Variants in SLC13A1 observed in about 807,000 individuals in gnomAD.
SLC13A1 encodes Na(+)/sulfate cotransporter.
In SLC13A1, 65 loss-of-function variants were observed where a neutral mutation model predicts 70.0. The ratio of observed to expected loss-of-function variants is 0.93; its 90% CI spans 0.76 to 1.14. The LOEUF (loss-of-function observed/expected upper bound fraction) is 1.14. Ranked by LOEUF, SLC13A1 falls within the 50% of genes most tolerant of loss-of-function variation. SLC13A1 has a pLI of 0.00. For synonymous variants in SLC13A1, 275 were observed against 250.5 expected, an observed-to-expected ratio of 1.10 and a Z score of -0.92; for missense variants, 726 against 717.8, an observed-to-expected ratio of 1.01 and a Z score of -0.13.
chr7:123,191,411 A>G (rs1404811082), intron 1 of SLC13A1, among the ~76,000 whole-genome samples: 1 of 152,156 alleles, frequency 6.6e-6, no homozygotes, highest in Non-Finnish European at 1.5e-5. Context: ...GCTTTCAACC[A>G]CAGGTTTCCA....
intron 2 of SLC13A1, among the ~76,000 whole-genome samples, chr7:123,174,159 T>C: frequency 6.6e-6 from 1 of 152,088 alleles, no homozygotes; most frequent in Non-Finnish European, 1.5e-5. Flanking sequence ...TTTATGGGAC[T>C]AAAATAATGC....
chr7:123,149,663 A>G, intron 6 of SLC13A1: 1 of 455,750 alleles, frequency 2.2e-6, no homozygotes, highest in South Asian at 1.6e-5. Context: ...TGTGCTTGAT[A>G]TTATAGTTAC....
At chr7:123,180,399 G>T (rs953648902) in intron 2 of SLC13A1, among the ~76,000 whole-genome samples, 1 of 152,084 alleles carries the variant, frequency 6.6e-6, no homozygotes, top group Non-Finnish European at 1.5e-5. Flanking sequence ...TTCACTGGGT[G>T]GCTGGAGACT....
At chr7:123,157,323 T>C (rs1043397050) in intron 6 of SLC13A1, among the ~76,000 whole-genome samples, 14 of 152,146 alleles carry the variant, frequency 9.2e-5, no homozygotes, top group African/African-American at 3.1e-4. Flanking sequence ...TTATCCACCG[T>C]AGTTAATAAA....
chr7:123,123,360 G>A, intron 11 of SLC13A1, 125 bp from the exon 12 acceptor site: 1 of 613,588 alleles, frequency 1.6e-6, no homozygotes, highest in Admixed American at 2.4e-5. Flanking sequence ...TTAAAGAGGG[G>A]AATTAATCTG....
At position 123,185,749 on chromosome 7, in the gene SLC13A1, G is replaced by A. The variant is rs199575241; in HGVS notation, c.100-4648C>T. ...AGCTTTGTTCTTTTTGTTCAAGATT[G>A]CTCTAACTATTTGGGGTCTTTTGTT... On this transcript the variant is annotated intron_variant, in intron 1 of 14. Coordinates refer to ENST00000194130, the MANE Select transcript of SLC13A1 (RefSeq NM_022444.4). Among the ~76,000 whole-genome samples the A allele has an allele frequency of 6.6e-5, 10 of 152,024 alleles. No individual in the cohort carries two copies. In the East Asian group the frequency reaches 1.9e-3, roughly 29 times the overall value.
At position 123,113,848 on chromosome 7, in the gene SLC13A1, A is replaced by C. The variant is rs1793083858; in HGVS notation, c.*1670T>G. 1 of 152,198 alleles carries C rather than the reference A, an allele frequency of 6.6e-6. No individual in the cohort carries two copies. Among genetic ancestry groups the C allele is most frequent in the Non-Finnish European group, 1.5e-5 (1 of 68,030 alleles). The allele number at this position is 152,198 out of a possible 1,614,324, so 9.4% of individuals were successfully genotyped here. Reference sequence around the variant, plus strand: ...GGCCAATTAATAATTCGTATGTTAAATATTATTTTAAAAACCCTCTTTACT... The same window carrying C: ...GGCCAATTAATAATTCGTATGTTAACTATTATTTTAAAAACCCTCTTTACT... On this transcript the variant is annotated 3_prime_UTR_variant, in exon 15 of 15. Transcript: ENST00000194130.
chr7:123,179,047 T>C (rs1638672157), intron 2 of SLC13A1, among the ~76,000 whole-genome samples: 1 of 152,062 alleles, frequency 6.6e-6, no homozygotes, highest in Non-Finnish European at 1.5e-5. Flanking sequence ...AAAAAGAAGA[T>C]GGTGGTGGTG....
At chr7:123,116,689 G>T (rs748660540) in intron 14 of SLC13A1, among the ~76,000 whole-genome samples, 1 of 152,132 alleles carries the variant, frequency 6.6e-6, no homozygotes, top group Non-Finnish European at 1.5e-5. Flanking sequence ...TTGTGTAGAG[G>T]CAGTTCTAGA....
At chr7:123,191,356 T>C (rs1425473945) in intron 1 of SLC13A1, among the ~76,000 whole-genome samples, 1 of 152,176 alleles carries the variant, frequency 6.6e-6, no homozygotes, top group African/African-American at 2.4e-5. Context: ...CAGCCCTTAG[T>C]TTCTGGCATT....
At chr7:123,173,712 C>T (rs183343348) in intron 2 of SLC13A1, among the ~76,000 whole-genome samples, 1 of 152,208 alleles carries the variant, frequency 6.6e-6, no homozygotes, top group African/African-American at 2.4e-5. Context: ...TTTTGCTAGC[C>T]AAACCAGGAC....
intron 6 of SLC13A1, among the ~76,000 whole-genome samples, chr7:123,152,285 T>C (rs1291878573): frequency 1.3e-5 from 2 of 152,146 alleles, no homozygotes; most frequent in African/African-American, 4.8e-5. Flanking sequence ...ATCTTGGCTA[T>C]TGTGAATAAT....
intron 1 of SLC13A1, among the ~76,000 whole-genome samples, chr7:123,195,688 C>A (rs2204294): frequency 0.37 from 55,590 of 151,736 alleles, 10,379 homozygotes; most frequent in Admixed American, 0.4. Flanking sequence ...ATTCAAGTGA[C>A]TATATCGTGA....
At chr7:123,121,665 G>T (rs1793386691) in intron 12 of SLC13A1, among the ~76,000 whole-genome samples, 1 of 152,050 alleles carries the variant, frequency 6.6e-6, no homozygotes, top group African/African-American at 2.4e-5. Flanking sequence ...CTGTCTATCT[G>T]CTCATGAGAG....
At chr7:123,137,319 T>C (rs1332853479) in intron 7 of SLC13A1, among the ~76,000 whole-genome samples, 1 of 152,162 alleles carries the variant, frequency 6.6e-6, no homozygotes, top group East Asian at 1.9e-4. Flanking sequence ...TATGATGAGA[T>C]ATCACTCCTG....
chr7:123,193,868 G>T (rs1796079889), intron 1 of SLC13A1, among the ~76,000 whole-genome samples: 1 of 152,048 alleles, frequency 6.6e-6, no homozygotes, highest in Admixed American at 6.6e-5. Flanking sequence ...ACAGCCTCTG[G>T]TTACACCTAC....
At chr7:123,197,199 A>T (rs1796214298) in intron 1 of SLC13A1, among the ~76,000 whole-genome samples, 1 of 152,156 alleles carries the variant, frequency 6.6e-6, no homozygotes, top group African/African-American at 2.4e-5. Context: ...AGTTAAGGCC[A>T]GTCTATTGAA....
At chr7:123,117,149 G>A (rs1793206928) in intron 14 of SLC13A1, among the ~76,000 whole-genome samples, 1 of 152,038 alleles carries the variant, frequency 6.6e-6, no homozygotes, top group Non-Finnish European at 1.5e-5. Flanking sequence ...CCTTTTGCCT[G>A]GATCAGTTTG....
Position 123,147,229 on chromosome 7 carries a change from A to C in SLC13A1, c.742T>G (p.Ser248Ala). ...ATTGTTGTCAGTCCACCAATGGTAG[A>C]AGAGTAGGCAATGCACAAACACGTA... ...KLTCLCIAYS[S>A]TIGGLTTITG... The change falls in exon 7 of 15, where the codon TCT (serine) becomes GCT (alanine). Residue 248 changes from serine (S) to alanine (A), a missense_variant. Transcript: ENST00000194130. The C allele has an allele frequency of 6.2e-7, 1 of 1,613,734 alleles. No individual in the cohort carries two copies.
Sources: allele counts gnomAD v4.1 joint callset (sites outside exome capture counted in the v4.1 genomes callset), GRCh38; gene constraint gnomAD v4.1.1; transcripts MANE v1.5; gene names NCBI Gene and HGNC (gene_info 2026-07-23, HGNC 2026-07-21).